The following CHST11 variants were observed in gnomAD, a reference collection of about 807,000 sequenced individuals.
CHST11 encodes carbohydrate sulfotransferase 11.
Under a neutral mutation model 30.4 loss-of-function variants are expected in CHST11, and 9 were observed. The observed-to-expected ratio is 0.30, with a 90% confidence interval of 0.18 to 0.52. The LOEUF is 0.52. Ranked by LOEUF, CHST11 falls within the 20% of genes least tolerant of loss-of-function variation. The pLI is 0.97. For missense variants in CHST11, 348 were observed against 460.6 expected, an observed-to-expected ratio of 0.76 and a Z score of 2.24; for synonymous variants, 152 against 187.8, an observed-to-expected ratio of 0.81 and a Z score of 1.56.
intron 1 of CHST11, among the ~76,000 whole-genome samples, chr12:104,524,716 G>T (rs930966923): frequency 6.6e-6 from 1 of 152,146 alleles, no homozygotes; most frequent in African/African-American, 2.4e-5. Context: ...TGGTTATCAA[G>T]CACCTACTGG....
intron 1 of CHST11, among the ~76,000 whole-genome samples, chr12:104,587,862 T>C (rs988422985): frequency 8.9e-5 from 13 of 146,682 alleles, no homozygotes; most frequent in African/African-American, 1.8e-4. Flanking sequence ...TTTTTTGAGA[T>C]GGAGTCTCAC....
chr12:104,508,130 C>G (rs2037924823), intron 1 of CHST11, among the ~76,000 whole-genome samples: 1 of 152,158 alleles, frequency 6.6e-6, no homozygotes, highest in African/African-American at 2.4e-5. Context: ...TCTTGTAGTT[C>G]CCTCCATATA....
intron 1 of CHST11, among the ~76,000 whole-genome samples, chr12:104,500,078 T>C (rs116274999): frequency 0.013 from 1,941 of 152,302 alleles, 41 homozygotes; most frequent in African/African-American, 0.044. Context: ...TTGTTAATGG[T>C]TTGTTTTTTC....
At chr12:104,645,001 A>G (rs1038683184) in intron 2 of CHST11, among the ~76,000 whole-genome samples, 9 of 152,112 alleles carry the variant, frequency 5.9e-5, no homozygotes, top group African/African-American at 1.9e-4. Context: ...TCCAGGCTGG[A>G]GTACAGTGGC....
intron 1 of CHST11, among the ~76,000 whole-genome samples, chr12:104,499,013 AC>A (rs2037827082): frequency 6.6e-6 from 1 of 152,174 alleles, no homozygotes; most frequent in South Asian, 2.1e-4. Flanking sequence ...TCAGTGGCTC[AC>A]TATTGCCAGT....
intron 2 of CHST11, among the ~76,000 whole-genome samples, chr12:104,711,469 A>AT (rs891878296): frequency 2.7e-4 from 41 of 150,646 alleles, no homozygotes; most frequent in Admixed American, 4.6e-4. Context: ...AGCCAGGCTC[A>AT]TTTTTTTTTT....
chr12:104,628,836 C>T (rs1006286538), intron 2 of CHST11, among the ~76,000 whole-genome samples: 10 of 152,132 alleles, frequency 6.6e-5, no homozygotes, highest in African/African-American at 2.4e-4. Flanking sequence ...CTTTGAGAGC[C>T]CTTTGCTTAT....
chr12:104,670,132 G>A (rs767785633), intron 2 of CHST11, among the ~76,000 whole-genome samples: 12 of 152,228 alleles, frequency 7.9e-5, no homozygotes, highest in Non-Finnish European at 1.6e-4. Context: ...GCCTGCTGCA[G>A]GGCCTGCTGG....
At chr12:104,601,600 G>A (rs367570219) in intron 1 of CHST11, among the ~76,000 whole-genome samples, 1 of 152,188 alleles carries the variant, frequency 6.6e-6, no homozygotes, top group Non-Finnish European at 1.5e-5. Flanking sequence ...CAGCCATTAC[G>A]CCATCTTTTG....
At chr12:104,723,550 G>T (rs1210756300) in intron 2 of CHST11, among the ~76,000 whole-genome samples, 2 of 152,232 alleles carry the variant, frequency 1.3e-5, no homozygotes, top group East Asian at 3.8e-4. Context: ...CCTCCATGGA[G>T]TGCCCCATAT....
At chr12:104,528,146 G>A (rs118083819) in intron 1 of CHST11, among the ~76,000 whole-genome samples, 1 of 152,194 alleles carries the variant, frequency 6.6e-6, no homozygotes, top group African/African-American at 2.4e-5. Flanking sequence ...GATGATGATG[G>A]TTATGTCCGT....
chr12:104,690,148 CA>C (rs2136107032), intron 2 of CHST11, among the ~76,000 whole-genome samples: 1 of 152,316 alleles, frequency 6.6e-6, no homozygotes, highest in South Asian at 2.1e-4. Context: ...AAGGATTGAG[CA>C]GAGCAAGCGA....
At chr12:104,521,292 G>T (rs572406938) in intron 1 of CHST11, among the ~76,000 whole-genome samples, 1 of 152,062 alleles carries the variant, frequency 6.6e-6, no homozygotes, top group Non-Finnish European at 1.5e-5. Context: ...ATGCATATCC[G>T]CAACAGGTGA....
intron 1 of CHST11, among the ~76,000 whole-genome samples, chr12:104,513,139 T>TGGGGGGGGGGGGGGGGGGGAGGGGG (rs1565969846): frequency 3.4e-4 from 1 of 2,932 alleles, no homozygotes; most frequent in Non-Finnish European, 6.7e-4. Context: ...GGGGGGGGGT[T>TGGGGGGGGGGGGGGGGGGGAGGGGG]GGGGGTGGGG....
rs757358769 is a variant in CHST11 at position 104,757,230 on chromosome 12, G to C, written c.486G>C (p.Lys162Asn). ...AGGCACACGTCTCCGCCAACCTGAA[G>C]ACCCTGAACCAGTACAGCATCCCAG... ...ANEAHVSANL[K>N]TLNQYSIPEI... is the part of the protein sequence containing the mutation. The change falls in exon 3 of 3, where the codon AAG becomes AAC. Residue 162 changes from lysine (K) to asparagine (N), a missense_variant. Physicochemically the swap from Lys to Asn is moderately conservative, Grantham distance 94. This residue lies in a region of CHST11 where 210 missense variants were observed against 287.2 expected (regional missense o/e 0.73). Transcript: ENST00000303694. This position sits in a 1 kb window ranked among gnomAD's most constrained non-coding sequence, Gnocchi z 6.5. The C allele has an allele frequency of 1.6e-4, 256 of 1,614,020 alleles. No homozygotes were observed. Among genetic ancestry groups the C allele is most frequent in the Non-Finnish European group, 2.1e-4 (250 of 1,180,034 alleles).
At chr12:104,725,013 G>A (rs2040205808) in intron 2 of CHST11, among the ~76,000 whole-genome samples, 2 of 152,260 alleles carry the variant, frequency 1.3e-5, no homozygotes, top group East Asian at 1.9e-4. Flanking sequence ...GTGCTTTAGG[G>A]CTGGAAGTGG....
intron 1 of CHST11, among the ~76,000 whole-genome samples, chr12:104,566,259 C>A (rs2038565132): frequency 6.6e-6 from 1 of 152,182 alleles, no homozygotes; most frequent in East Asian, 1.9e-4. Context: ...TTACTTCTTT[C>A]TCTGTTCTTT....
intron 2 of CHST11, among the ~76,000 whole-genome samples, chr12:104,694,193 G>A (rs771590478): frequency 1.2e-4 from 18 of 152,122 alleles, no homozygotes; most frequent in Admixed American, 3.3e-4. Context: ...TATCATGGAC[G>A]TACCTACATT....
At chr12:104,598,092 A>G (rs1451859622) in intron 1 of CHST11, among the ~76,000 whole-genome samples, 1 of 152,234 alleles carries the variant, frequency 6.6e-6, no homozygotes, top group Non-Finnish European at 1.5e-5. Context: ...TCTAAAAGTT[A>G]GCTGCCACCA....
Sources: allele counts gnomAD v4.1 joint callset (sites outside exome capture counted in the v4.1 genomes callset), GRCh38; gene constraint gnomAD v4.1.1; regional missense constraint gnomAD v4.1.1; non-coding constraint Gnocchi (gnomAD v3.1); transcripts MANE v1.5; gene names NCBI Gene and HGNC (gene_info 2026-07-23, HGNC 2026-07-21).